Variants in NDRG2 observed in about 807,000 individuals in gnomAD.
NDRG2 encodes the protein NDRG family member 2, also known as protein NDRG2.
NDRG2 carries 34 observed loss-of-function variants against 58.2 expected under a neutral mutation model. The observed-to-expected ratio is 0.58, with a 90% CI of 0.44 to 0.78. The LOEUF (loss-of-function observed/expected upper bound fraction) is 0.78. NDRG2 is among the 30% of genes least tolerant of loss of function. NDRG2 has a pLI of 0.00. For synonymous variants in NDRG2, 187 were observed against 175.9 expected (o/e 1.06, Z -0.50); for missense variants, 434 against 471.2 (o/e 0.92, Z 0.73).
At chr14:21,063,679 A>G (rs890074393) in intron 1 of NDRG2, among the ~76,000 whole-genome samples, 12 of 152,208 alleles carry the variant, frequency 7.9e-5, no homozygotes, top group African/African-American at 2.9e-4. Flanking sequence ...GGGGTCTGCC[A>G]ATGAGAGCTG....
chr14:21,059,476 T>G (rs1566507791), intron 1 of NDRG2, among the ~76,000 whole-genome samples: 1 of 88,386 alleles, frequency 1.1e-5, no homozygotes, highest in East Asian at 3.0e-4. Context: ...AGTTACTGGG[T>G]TTTTTTGGGT....
In NDRG2 at chr14:21,017,583, C is replaced by G. The variant is rs1471361936; in HGVS notation, c.*13G>C. 1 of 1,611,054 alleles carries G rather than the reference C, an allele frequency of 6.2e-7. No homozygotes were observed. Among genetic ancestry groups the G allele is most frequent in the Non-Finnish European group, 8.5e-7 (1 of 1,178,632 alleles). On this transcript the variant is annotated 3_prime_UTR_variant, in exon 16 of 16. Coordinates refer to ENST00000556147, the MANE Select transcript of NDRG2 (RefSeq NM_001320329.2). Reference sequence around the variant, plus strand: ...GTGAGGGCTGGGTCCCACTCTAGGGCAACAAGGGCCATTCAACAGGAGACC... The same window carrying G: ...GTGAGGGCTGGGTCCCACTCTAGGGGAACAAGGGCCATTCAACAGGAGACC...
intron 1 of NDRG2, among the ~76,000 whole-genome samples, chr14:21,053,678 C>A (rs561616353): frequency 6.6e-6 from 1 of 152,002 alleles, no homozygotes; most frequent in East Asian, 1.9e-4. Flanking sequence ...GTGGTGCAGG[C>A]CTGTAGTCCC....
chr14:21,032,055 C>T lies in NDRG2; in HGVS notation c.25-8734G>A, dbSNP rs1458310383. 1.2e-6 allele frequency: 2 copies of T among 1,613,866 alleles called. No individual in the cohort carries two copies. Among genetic ancestry groups the T allele is most frequent in the South Asian group, 1.1e-5 (1 of 91,070 alleles). On this transcript the variant is annotated intron_variant, in intron 1 of 14. Transcript: ENST00000403829. ...GTGAGTGGTTACAAGGGTTCTGGCA[C>T]CTACGATAAGAAGACCAAGTAGAGA...
upstream of NDRG2, among the ~76,000 whole-genome samples, chr14:21,027,672 G>A (rs142008534): frequency 0.016 from 2,399 of 152,298 alleles, 24 homozygotes; most frequent in Non-Finnish European, 0.024. Context: ...CACATGCAAG[G>A]CATATTATTT....
At chr14:21,025,349 T>C (rs148989335), upstream of NDRG2, 744 of 981,378 alleles carry the variant, frequency 7.6e-4, 3 homozygotes, top group African/African-American at 0.012. The surrounding 1 kb of genome is among the most constrained non-coding windows in gnomAD (Gnocchi z 5.1). Flanking sequence ...CCCTCAGCCC[T>C]GAGAGGGATC....
intron 11 of NDRG2, 111 bp downstream of exon 11, chr14:21,019,005 T>C: frequency 7.6e-7 from 1 of 1,311,022 alleles, no homozygotes; most frequent in East Asian, 2.3e-5. Context: ...TAGGATGGGG[T>C]GGGACATGAC....
chr14:21,033,896 G>A lies in NDRG2; in HGVS notation c.25-10575C>T, dbSNP rs1345983261. 3.1e-6 allele frequency: 5 copies of A among 1,614,014 alleles called. No individual in the cohort carries two copies. The African/African-American group carries it at 6.7e-5, about 22-fold the overall frequency. On this transcript the variant is annotated intron_variant, in intron 1 of 14. Coordinates refer to the NDRG2 transcript ENST00000403829. ...GGGAGCAGAGTAGGTAGAGCTTCTG[G>A]TTGGTTAGGGTGCTATTGTAGTAGC...
chr14:21,037,608 C>G (rs1362218188), intron 1 of NDRG2, among the ~76,000 whole-genome samples: 1 of 152,176 alleles, frequency 6.6e-6, no homozygotes, highest in Non-Finnish European at 1.5e-5. Flanking sequence ...TTATCCAGAC[C>G]AAGATGTAAA....
intron 6 of NDRG2, 73 bp from the exon 7 acceptor site, chr14:21,020,917 C>G: frequency 6.7e-7 from 1 of 1,485,104 alleles, no homozygotes; most frequent in Non-Finnish European, 9.3e-7. Context: ...TCTCTTCAAA[C>G]TCTTCACCCT....
intron 1 of NDRG2, among the ~76,000 whole-genome samples, chr14:21,064,591 C>T (rs1056190260): frequency 6.6e-6 from 1 of 152,158 alleles, no homozygotes; most frequent in East Asian, 1.9e-4. Flanking sequence ...TGTGAGCCAC[C>T]GCACCCAGCC....
In NDRG2 at chr14:21,070,422, C is replaced by T; in HGVS notation, c.24+406G>A. On this transcript the variant is annotated intron_variant, in intron 1 of 14. Coordinates refer to the NDRG2 transcript ENST00000403829. The surrounding 1 kb of genome is among the most constrained non-coding windows in gnomAD (Gnocchi z 4.7). ...ATGGTGAGTCCAGCGTCGCAGCCCC[C>T]TGGGTCCCCTCGGCCTTCGCGCAGC... 7.1e-7 allele frequency: 1 copy of T among 1,409,544 alleles called. No homozygotes were observed. Among genetic ancestry groups the T allele is most frequent in the Non-Finnish European group, 9.2e-7 (1 of 1,091,028 alleles). The allele number at this position is 1,409,544 out of a possible 1,614,324, so 87.3% of individuals were successfully genotyped here. A position where few individuals can be genotyped will look rare whatever the true frequency, so the allele number is the denominator to read the frequency against.
chr14:21,035,551 C>T (rs1884566439), intron 1 of NDRG2, among the ~76,000 whole-genome samples: 2 of 152,168 alleles, frequency 1.3e-5, no homozygotes, highest in South Asian at 2.1e-4. Context: ...GATTTGGGGC[C>T]TCCTCTTAGG....
chr14:21,061,261 A>G (rs1020216488), intron 1 of NDRG2, among the ~76,000 whole-genome samples: 2 of 152,226 alleles, frequency 1.3e-5, no homozygotes, highest in Non-Finnish European at 2.9e-5. Context: ...GAGAAGTTCA[A>G]CCATTCAATA....
chr14:21,030,797 C>A, upstream of NDRG2: 1 of 1,601,976 alleles, frequency 6.2e-7, no homozygotes, highest in Non-Finnish European at 8.5e-7. Context: ...GAAGAACCTG[C>A]GAGGTAGTTG....
intron 1 of NDRG2, chr14:21,035,687 C>T (rs1352665019): frequency 9.1e-6 from 4 of 440,788 alleles, no homozygotes; most frequent in Non-Finnish European, 1.8e-5. Context: ...ATTGGTGTTC[C>T]TCATGTAGAG....
chr14:21,033,691 C>T, intron 1 of NDRG2: 1 of 726,482 alleles, frequency 1.4e-6, no homozygotes, highest in Non-Finnish European at 2.5e-6. Flanking sequence ...TTCGCACCCA[C>T]CTGGTCTCTT....
intron 1 of NDRG2, among the ~76,000 whole-genome samples, chr14:21,044,562 G>C (rs1487459592): frequency 6.6e-6 from 1 of 152,162 alleles, no homozygotes; most frequent in Admixed American, 6.5e-5. Flanking sequence ...CTGGCAGTCT[G>C]CCCAGGCCTG....
intron 5 of NDRG2, 43 bp downstream of exon 5, chr14:21,022,019 T>C: frequency 1.2e-6 from 2 of 1,614,094 alleles, no homozygotes; most frequent in Non-Finnish European, 1.7e-6. Context: ...GCACCTGTCC[T>C]GTTCCTCACA....
Sources: gnomAD v4.1 joint callset for allele counts (sites outside exome capture counted in the v4.1 genomes callset) on GRCh38, gnomAD v4.1.1 for gene constraint, Gnocchi (gnomAD v3.1) non-coding constraint, MANE v1.5 for transcripts, NCBI Gene and HGNC (gene_info 2026-07-23, HGNC 2026-07-21) for gene names.